Variants in DUSP15 observed in about 807,000 individuals in gnomAD.
The protein encoded by DUSP15 is dual specificity phosphatase 15.
A neutral mutation model predicts 26.3 loss-of-function variants in DUSP15; 23 were observed. The ratio of observed to expected loss-of-function variants is 0.87; its 90% CI spans 0.63 to 1.24. The LOEUF is 1.24. Ranked by LOEUF, DUSP15 falls within the 50% of genes most tolerant of loss-of-function variation. DUSP15 has a pLI of 0.00. For synonymous variants in DUSP15, 143 were observed against 135.5 expected (o/e 1.06, Z -0.39); for missense variants, 364 against 320.6 (o/e 1.14, Z -1.03).
At chr20:31,853,240 C>G (rs1321548795) in intron 6 of DUSP15, among the ~76,000 whole-genome samples, 2 of 152,040 alleles carry the variant, frequency 1.3e-5, no homozygotes, top group Admixed American at 6.6e-5. Flanking sequence ...ATCAGTTAAA[C>G]AGAAATAACT....
intron 7 of DUSP15, chr20:31,850,576 A>G (rs368331678): frequency 3.8e-6 from 6 of 1,594,150 alleles, no homozygotes; most frequent in Non-Finnish European, 3.4e-6. Flanking sequence ...CCAGTTCAGC[A>G]CACTGGTCGG....
intron 8 of DUSP15, chr20:31,849,702 C>T (rs1421221991): frequency 2.6e-6 from 4 of 1,535,160 alleles, no homozygotes; most frequent in African/African-American, 2.7e-5. Flanking sequence ...GGCCCTGCAA[C>T]ACGTGGGCGC....
In DUSP15 at chr20:31,870,465, GGCCCTGCCCA is replaced by G. The variant is rs1329089377; in HGVS notation, c.-138_-129del. On this transcript the variant is annotated 5_prime_UTR_variant, in exon 1 of 7. Transcript: ENST00000339738. The surrounding 1 kb of genome is among the most constrained non-coding windows in gnomAD (Gnocchi z 6.6). The stretch of plus-strand genomic sequence containing the variant: ...GGGGAACGGGGGGCCTGGCGTCCGC[GGCCCTGCCCA>G]GCCCTGCCCAGCCACCGCCACCGCC... The G allele has an allele frequency of 7.0e-6, 9 of 1,285,810 alleles. No homozygotes were observed. Among genetic ancestry groups the G allele is most frequent in the Non-Finnish European group, 8.8e-6 (9 of 1,020,928 alleles). 79.7% of individuals were successfully genotyped at this position (1,285,810 alleles called of 1,614,324 possible).
chr20:31,854,921 C>T (rs1783957851), intron 6 of DUSP15, among the ~76,000 whole-genome samples: 1 of 152,232 alleles, frequency 6.6e-6, no homozygotes, highest in African/African-American at 2.4e-5. Context: ...CCAACCAACA[C>T]ATAACCTTGT....
intron 5 of DUSP15, among the ~76,000 whole-genome samples, 188 bp from the exon 6 acceptor site, chr20:31,862,930 G>A (rs558749679): frequency 1.3e-5 from 2 of 152,242 alleles, no homozygotes; most frequent in South Asian, 2.1e-4. Context: ...GCATCCCCTG[G>A]GTTCTCCCAC....
Position 31,862,386 on chromosome 20 carries a change from G to T in DUSP15, c.435+185C>A, listed in dbSNP as rs377367322. Among the ~76,000 whole-genome samples, 12 of 152,264 alleles carry T rather than the reference G, an allele frequency of 7.9e-5. No homozygotes were observed. In the South Asian group the frequency reaches 2.1e-3, roughly 26 times the overall value. Reference sequence around the variant, plus strand: ...GGCATTCAAATTCTAAATTGAAAAAGAAAACACCTGGCTGTCTAACAAAAT... The same window carrying T: ...GGCATTCAAATTCTAAATTGAAAAATAAAACACCTGGCTGTCTAACAAAAT... On this transcript the variant is annotated intron_variant, in intron 6 of 6. Coordinates refer to ENST00000339738, the MANE Select transcript of DUSP15 (RefSeq NM_080611.5).
At chr20:31,858,027 C>T (rs1280932862), downstream of DUSP15, among the ~76,000 whole-genome samples, 1 of 152,160 alleles carries the variant, frequency 6.6e-6, no homozygotes, top group Non-Finnish European at 1.5e-5. The surrounding 1 kb of genome is among the most constrained non-coding windows in gnomAD (Gnocchi z 4.4). Context: ...TTACCCTCAG[C>T]CCTAGAGGCC....
At chr20:31,856,920 A>G (rs936996682), downstream of DUSP15, among the ~76,000 whole-genome samples, 1 of 152,046 alleles carries the variant, frequency 6.6e-6, no homozygotes, top group African/African-American at 2.4e-5. Flanking sequence ...TGGAAGCCAG[A>G]TGGGAGTGTT....
chr20:31,860,952 G>A, downstream of DUSP15: 1 of 988,700 alleles, frequency 1.0e-6, no homozygotes, highest in South Asian at 4.7e-5. Flanking sequence ...AGGCCCCCAG[G>A]GGATGCAGGC....
chr20:31,869,984 C>T (rs565994305), intron 1 of DUSP15: 3 of 1,339,204 alleles, frequency 2.2e-6, no homozygotes, highest in South Asian at 2.0e-5. Context: ...GAAACAGCCC[C>T]GGAGAGAGCC....
rs749642717 is a variant in DUSP15 at position 31,864,917 on chromosome 20, G to C, written c.188+36C>G. On this transcript the variant is annotated intron_variant, in intron 4 of 6. Coordinates refer to ENST00000339738, the MANE Select transcript of DUSP15 (RefSeq NM_080611.5). The stretch of plus-strand genomic sequence containing the variant: ...CCCTCCCCCACCACAGAAGGCAGCT[G>C]TCTGTCCATCTATGGGTCCATCCAG... 64 of 1,605,478 alleles carry C rather than the reference G, an allele frequency of 4.0e-5. No individual in the cohort carries two copies. In the South Asian group the frequency reaches 4.5e-4, roughly 11 times the overall value.
intron 4 of DUSP15, 58 bp downstream of exon 4, chr20:31,864,895 T>A: frequency 4.3e-4 from 605 of 1,402,424 alleles, no homozygotes; most frequent in Non-Finnish European, 5.6e-4. Flanking sequence ...CCCCTCCCCC[T>A]CCCCCACCAC....
At chr20:31,848,478 G>A (rs2062404251) in exon 10 of DUSP15, 1 of 1,611,958 alleles carries the variant, frequency 6.2e-7, no homozygotes, top group East Asian at 2.2e-5. Flanking sequence ...ATGCCATCGG[G>A]GTTGCCAGGG....
chr20:31,855,931 C>CT (rs1437865755), intron 6 of DUSP15, among the ~76,000 whole-genome samples: 2 of 152,000 alleles, frequency 1.3e-5, no homozygotes, highest in African/African-American at 2.4e-5. Flanking sequence ...GAGGCTCTCT[C>CT]TTTTTTAAAA....
At position 31,861,353 on chromosome 20, in the gene DUSP15, C is replaced by A. The variant is rs1206949085; in HGVS notation, c.*50G>T. The A allele has an allele frequency of 4.1e-6, 6 of 1,462,450 alleles. No individual in the cohort carries two copies. The highest frequency in any genetic ancestry group is 5.4e-6 in the Non-Finnish European group (6 of 1,113,668). The allele number at this position is 1,462,450 out of a possible 1,614,324, so 90.6% of individuals were successfully genotyped here. The stretch of plus-strand genomic sequence containing the variant: ...TGGGGGGCGTGGAAGGCGCAGACAG[C>A]CCCCGAAGGGAGCCAGTCGGAAGTG... On this transcript the variant is annotated 3_prime_UTR_variant, in exon 7 of 7. Transcript: ENST00000339738.
chr20:31,863,739 TAG>T, intron 5 of DUSP15, 166 bp downstream of exon 5: 3 of 627,904 alleles, frequency 4.8e-6, no homozygotes, highest in Non-Finnish European at 8.5e-6. Flanking sequence ...TCATAAGGAA[TAG>T]AGTCCCGGGT....
At chr20:31,849,010 G>A in intron 8 of DUSP15, 2 of 869,260 alleles carry the variant, frequency 2.3e-6, no homozygotes, top group Middle Eastern at 2.3e-4. Flanking sequence ...CCCAAGTCCT[G>A]TAAGCCCACA....
At chr20:31,848,709 G>A (rs2062408504) in intron 9 of DUSP15, 1 of 1,482,094 alleles carries the variant, frequency 6.7e-7, no homozygotes, top group African/African-American at 1.4e-5. Context: ...TGCTAGAAGT[G>A]TCAGAGGCAG....
chr20:31,849,487 CT>C, intron 8 of DUSP15: 1 of 712,186 alleles, frequency 1.4e-6, no homozygotes, highest in Admixed American at 1.9e-5. Context: ...CCACCGCGTC[CT>C]TATGCCCCCG....
Sources: allele counts gnomAD v4.1 joint callset (sites outside exome capture counted in the v4.1 genomes callset), GRCh38; gene constraint gnomAD v4.1.1; non-coding constraint Gnocchi (gnomAD v3.1); transcripts MANE v1.5; gene names NCBI Gene and HGNC (gene_info 2026-07-23, HGNC 2026-07-21).